WDR89: variants seen among roughly 807,000 people sequenced by gnomAD.
WDR89 encodes WD repeat domain 89, also known as WD repeat-containing protein 89.
Under a neutral mutation model 29.1 loss-of-function variants are expected in WDR89, and 17 were observed. The ratio of observed to expected loss-of-function variants is 0.58; its 90% CI spans 0.40 to 0.88. WDR89 has a LOEUF of 0.88. WDR89 is among the 40% of genes least tolerant of loss of function. The pLI is 0.00. For synonymous variants in WDR89, 138 were observed against 157.8 expected, an observed-to-expected ratio of 0.87 and a Z score of 0.94; for missense variants, 396 against 456.3, an observed-to-expected ratio of 0.87 and a Z score of 1.20.
At chr14:63,616,862 T>G (rs1882340400) in intron 2 of WDR89, among the ~76,000 whole-genome samples, 1 of 152,068 alleles carries the variant, frequency 6.6e-6, no homozygotes, top group South Asian at 2.1e-4. Flanking sequence ...GTAGTTAGTT[T>G]AGAGGTTTGT....
chr14:63,639,819 C>A (rs1002261163), intron 1 of WDR89, among the ~76,000 whole-genome samples: 1 of 152,064 alleles, frequency 6.6e-6, no homozygotes, highest in Non-Finnish European at 1.5e-5. Context: ...TACAAAAGTA[C>A]AACTCAAAAA....
chr14:63,629,657 CTGATCATAATGTGTGATGTTGGATGGGA>C (rs1883272757), intron 1 of WDR89, among the ~76,000 whole-genome samples: 1 of 152,158 alleles, frequency 6.6e-6, no homozygotes, highest in Non-Finnish European at 1.5e-5. Context: ...TTTAGTATTG[CTGATCATAATGTGTGATGTTGGATGGGA>C]AAGGAGACGA....
intron 1 of WDR89, among the ~76,000 whole-genome samples, chr14:63,627,104 GA>G (rs1345105116): frequency 4.7e-5 from 7 of 149,694 alleles, no homozygotes; most frequent in Admixed American, 6.7e-5. Context: ...TTAGGTGACA[GA>G]ATAAGACTTT....
At chr14:63,625,703 C>T (rs1882990049) in intron 1 of WDR89, among the ~76,000 whole-genome samples, 1 of 151,896 alleles carries the variant, frequency 6.6e-6, no homozygotes, top group Admixed American at 6.6e-5. Flanking sequence ...GTTCACTGAG[C>T]TCTACCCTAG....
Position 63,599,542 on chromosome 14 carries a change from G to A in WDR89, c.401C>T (p.Thr134Ile), listed in dbSNP as rs1309876605. Reference sequence around the variant, plus strand: ...CAATGCATCATCATCAACTTTTTCTGTACCAGCACAAATAATATGATCATT... The same window carrying A: ...CAATGCATCATCATCAACTTTTTCTATACCAGCACAAATAATATGATCATT... ...NCNDHIICAG[T>I]EKVDDDALLV... Residue 134 changes from threonine (T) to isoleucine (I), a missense_variant, in exon 3 of 3, where the codon ACA (threonine) becomes ATA (isoleucine). Transcript: ENST00000620954. 1 of 1,614,094 alleles carries A rather than the reference G, an allele frequency of 6.2e-7. No individual in the cohort carries two copies. Among genetic ancestry groups the A allele is most frequent in the Admixed American group, 1.7e-5 (1 of 60,002 alleles).
intron 1 of WDR89, among the ~76,000 whole-genome samples, chr14:63,632,399 G>A (rs1883464507): frequency 6.6e-6 from 1 of 152,092 alleles, no homozygotes; most frequent in African/African-American, 2.4e-5. Flanking sequence ...GGGAGGCTGA[G>A]GTGGATGGAT....
At chr14:63,605,152 G>GTCTC (rs746030363) in intron 2 of WDR89, among the ~76,000 whole-genome samples, 1 of 137,766 alleles carries the variant, frequency 7.3e-6, no homozygotes, top group African/African-American at 3.1e-5. Flanking sequence ...CGTGCTGTCT[G>GTCTC]TCTCTCTCTC....
At chr14:63,601,956 T>C (rs1436964917) in intron 2 of WDR89, 2 of 415,310 alleles carry the variant, frequency 4.8e-6, no homozygotes, top group Non-Finnish European at 8.6e-6. Context: ...TAAATTCTTC[T>C]ATTGTGCTTT....
intron 2 of WDR89, among the ~76,000 whole-genome samples, chr14:63,605,579 C>T (rs1895284827): frequency 6.6e-6 from 1 of 152,012 alleles, no homozygotes; most frequent in African/African-American, 2.4e-5. Flanking sequence ...CCTGCCTCAG[C>T]CCCCGAAGCA....
chr14:63,634,708 A>G (rs1883619079), intron 1 of WDR89, among the ~76,000 whole-genome samples: 2 of 152,040 alleles, frequency 1.3e-5, no homozygotes, highest in African/African-American at 4.8e-5. Flanking sequence ...CATCTCTACT[A>G]AAAATACAAA....
chr14:63,615,031 T>G (rs1882219534), intron 2 of WDR89, among the ~76,000 whole-genome samples: 1 of 152,198 alleles, frequency 6.6e-6, no homozygotes, highest in Non-Finnish European at 1.5e-5. Context: ...AGGAATCTGT[T>G]ACTAAGGAAA....
chr14:63,609,510 C>T (rs1881812613), intron 2 of WDR89, among the ~76,000 whole-genome samples: 1 of 152,204 alleles, frequency 6.6e-6, no homozygotes, highest in East Asian at 1.9e-4. Flanking sequence ...AGCATATGGC[C>T]GGGCGTGGTA....
chr14:63,640,490 T>C (rs1252650450), intron 1 of WDR89, among the ~76,000 whole-genome samples: 2 of 151,986 alleles, frequency 1.3e-5, no homozygotes, highest in Non-Finnish European at 2.9e-5. Context: ...TTATTGACTT[T>C]TTTTTTTCTC....
In WDR89 at chr14:63,598,874, A is replaced by G; in HGVS notation, c.1069T>C (p.Phe357Leu). The stretch of plus-strand genomic sequence containing the variant: ...ATTTTCATACTCTCTTTCTTTGTAA[A>G]GGTCTTCTCTATAGCTCCAGGTTTC... ...LWKPGAIEKT[F>L]TKKESMKIAS... Residue 357 changes from phenylalanine (F) to leucine (L), a missense_variant, in exon 3 of 3, where the codon TTT becomes CTT. Phe to Leu is a conservative substitution (Grantham distance 22). Transcript: ENST00000620954. The G allele has an allele frequency of 6.2e-7, 1 of 1,614,130 alleles. No homozygotes were observed. The highest frequency in any genetic ancestry group is 8.5e-7 in the Non-Finnish European group (1 of 1,180,018).
chr14:63,609,812 T>TAA (rs1358924133), intron 2 of WDR89, among the ~76,000 whole-genome samples: 3 of 151,190 alleles, frequency 2.0e-5, no homozygotes, highest in African/African-American at 7.3e-5. Flanking sequence ...TAAAATAAAA[T>TAA]AAAATAAAAC....
intron 2 of WDR89, among the ~76,000 whole-genome samples, chr14:63,619,020 G>A (rs1021749264): frequency 2.0e-5 from 3 of 152,208 alleles, no homozygotes; most frequent in Non-Finnish European, 4.4e-5. Context: ...CTAGAACAGA[G>A]ATATTTTATG....
chr14:63,619,918 T>C (rs764944983), intron 2 of WDR89, among the ~76,000 whole-genome samples: 3 of 145,902 alleles, frequency 2.1e-5, no homozygotes, highest in African/African-American at 7.7e-5. Flanking sequence ...GGCAGGAGAA[T>C]CACTTGAACC....
At chr14:63,617,311 C>G (rs1443775384) in intron 2 of WDR89, among the ~76,000 whole-genome samples, 1 of 151,942 alleles carries the variant, frequency 6.6e-6, no homozygotes, top group Non-Finnish European at 1.5e-5. Flanking sequence ...AAACTCCTGA[C>G]CTCAGGTGAT....
At chr14:63,632,265 A>G (rs954161257) in intron 1 of WDR89, among the ~76,000 whole-genome samples, 13 of 152,274 alleles carry the variant, frequency 8.5e-5, no homozygotes, top group Admixed American at 2.6e-4. Flanking sequence ...ACATTTGTAT[A>G]CATCAGTCTA....
Sources: allele counts gnomAD v4.1 joint callset (sites outside exome capture counted in the v4.1 genomes callset), GRCh38; gene constraint gnomAD v4.1.1; transcripts MANE v1.5; gene names NCBI Gene and HGNC (gene_info 2026-07-23, HGNC 2026-07-21).